Variants in AMOTL1 observed in about 807,000 individuals in gnomAD.
AMOTL1 encodes angiomotin-like protein 1.
AMOTL1 carries 45 observed loss-of-function variants against 102.9 expected under a neutral mutation model. The ratio of observed to expected loss-of-function variants is 0.44; its 90% CI spans 0.34 to 0.56. AMOTL1 has a LOEUF of 0.56. Among genes scored for constraint, AMOTL1 ranks in the 20% least tolerant of loss-of-function variants. The probability of loss-of-function intolerance (pLI) is 0.01; values close to 1 mark genes in which losing one functional copy is unlikely to be tolerated. For missense variants in AMOTL1, 1,114 were observed against 1,225.6 expected, an observed-to-expected ratio of 0.91 and a Z score of 1.36; for synonymous variants, 481 against 484.7, an observed-to-expected ratio of 0.99 and a Z score of 0.10.
chr11:94,819,944 G>A (rs1951834618), intron 3 of AMOTL1, among the ~76,000 whole-genome samples: 1 of 152,170 alleles, frequency 6.6e-6, no homozygotes, highest in African/African-American at 2.4e-5. Flanking sequence ...AATGGGGACG[G>A]GGATGGAAAT....
At chr11:94,737,469 AG>A in intron 2 of AMOTL1, among the ~76,000 whole-genome samples, 1 of 152,332 alleles carries the variant, frequency 6.6e-6, no homozygotes, top group Admixed American at 6.5e-5. Flanking sequence ...TCTCTCTCCT[AG>A]GGGCTCCAAG....
intron 2 of AMOTL1, among the ~76,000 whole-genome samples, chr11:94,797,831 G>A (rs947906303): frequency 6.6e-6 from 1 of 152,188 alleles, no homozygotes; most frequent in African/African-American, 2.4e-5. Context: ...AGCATGAAAT[G>A]TTGTTGGATA....
chr11:94,862,612 A>G (rs941401153), intron 9 of AMOTL1, among the ~76,000 whole-genome samples: 2 of 152,236 alleles, frequency 1.3e-5, no homozygotes, highest in Non-Finnish European at 2.9e-5. Context: ...ATTTCAAAGC[A>G]ATGTAATATT....
intron 1 of AMOTL1, among the ~76,000 whole-genome samples, chr11:94,709,309 T>C (rs1949983157): frequency 6.6e-6 from 1 of 152,166 alleles, no homozygotes; most frequent in African/African-American, 2.4e-5. Context: ...TCAGTTACTT[T>C]GGCAGAAGCC....
At chr11:94,834,163 G>A (rs530176296) in intron 6 of AMOTL1, among the ~76,000 whole-genome samples, 1 of 152,178 alleles carries the variant, frequency 6.6e-6, no homozygotes, top group Non-Finnish European at 1.5e-5. Context: ...AAACCCTATT[G>A]TTAGAGTAAA....
rs1178844386 is a variant in AMOTL1 at position 94,872,109 on chromosome 11, A to C, written c.*1314A>C. ...GTGTTGTCAGGTTTTTCCGGGTTTC[A>C]GTTTTGAGGCAGTTTATTCAAAGTG... On this transcript the variant is annotated 3_prime_UTR_variant, in exon 13 of 13. Transcript: ENST00000433060. 2.0e-5 allele frequency: 3 copies of C among 152,040 alleles called. No homozygotes were observed. Among genetic ancestry groups the C allele is most frequent in the Non-Finnish European group, 4.4e-5 (3 of 68,024 alleles). 9.4% of individuals were successfully genotyped at this position (152,040 alleles called of 1,614,324 possible).
chr11:94,861,953 A>G (rs943637909), intron 9 of AMOTL1, among the ~76,000 whole-genome samples: 10 of 152,102 alleles, frequency 6.6e-5, no homozygotes, highest in Admixed American at 3.3e-4. Context: ...ACCCACTCAC[A>G]GGATTCTAGG....
intron 2 of AMOTL1, chr11:94,729,113 T>C (rs1950306324): frequency 8.4e-7 from 1 of 1,193,840 alleles, no homozygotes. Flanking sequence ...TGCACCTCAT[T>C]ATGTCAATCC....
In AMOTL1 at chr11:94,722,486, C is replaced by T. The variant is rs1950189305; in HGVS notation, c.-50-6435C>T. Among the ~76,000 whole-genome samples the T allele has an allele frequency of 2.6e-5, 4 of 152,208 alleles. No individual in the cohort carries two copies. The South Asian group carries it at 8.3e-4, about 32-fold the overall frequency. ...ATTACAGACATTTCTCACTTAATCCCTACCATAGCCCTACAAAGCATGTGC... is the reference window on the plus strand; with the variant it reads ...ATTACAGACATTTCTCACTTAATCCTTACCATAGCCCTACAAAGCATGTGC... On this transcript the variant is annotated intron_variant, in intron 1 of 4. Coordinates refer to the AMOTL1 transcript ENST00000299004.
intron 3 of AMOTL1, among the ~76,000 whole-genome samples, chr11:94,744,837 A>T (rs1950571493): frequency 6.6e-6 from 1 of 152,232 alleles, no homozygotes; most frequent in Non-Finnish European, 1.5e-5. Context: ...AAGCACACAT[A>T]ACAGAACCTG....
intron 3 of AMOTL1, among the ~76,000 whole-genome samples, chr11:94,808,489 A>AT (rs1394059191): frequency 6.6e-6 from 1 of 152,056 alleles, no homozygotes; most frequent in South Asian, 2.1e-4. Context: ...CAAACAAGCC[A>AT]TTTTTTATTA....
chr11:94,723,620 C>A (rs1297573502), intron 1 of AMOTL1, among the ~76,000 whole-genome samples: 1 of 152,118 alleles, frequency 6.6e-6, no homozygotes, highest in Non-Finnish European at 1.5e-5. Context: ...TCAAACTCTT[C>A]AATTCTACAA....
At position 94,820,913 on chromosome 11, in the gene AMOTL1, C is replaced by T. The variant is rs144421748; in HGVS notation, c.1122-617C>T. Among the ~76,000 whole-genome samples the T allele has an allele frequency of 1.8e-3, 276 of 152,308 alleles. 1 individual carries two copies. The highest frequency in any genetic ancestry group is 6.4e-3 in the African/African-American group (264 of 41,562). On this transcript the variant is annotated intron_variant, in intron 3 of 12. Coordinates refer to ENST00000433060, the MANE Select transcript of AMOTL1 (RefSeq NM_130847.3). Reference sequence around the variant, plus strand: ...GAGCTTAGGCAGTAATGTGAACCATCGGGAATGGCTGTAAATATAGATGAA... The same window carrying T: ...GAGCTTAGGCAGTAATGTGAACCATTGGGAATGGCTGTAAATATAGATGAA...
chr11:94,849,430 G>A (rs1174644987), intron 6 of AMOTL1, among the ~76,000 whole-genome samples: 1 of 152,208 alleles, frequency 6.6e-6, no homozygotes, highest in Non-Finnish European at 1.5e-5. Flanking sequence ...TGTATAGGAC[G>A]ATGGGTAACT....
chr11:94,841,872 A>G (rs1421858137), intron 6 of AMOTL1, among the ~76,000 whole-genome samples: 1 of 152,250 alleles, frequency 6.6e-6, no homozygotes, highest in Non-Finnish European at 1.5e-5. Context: ...ACTAGATCAG[A>G]GAAAATTGTA....
intron 3 of AMOTL1, among the ~76,000 whole-genome samples, chr11:94,745,362 C>T (rs145903379): frequency 0.013 from 1,971 of 151,838 alleles, 46 homozygotes; most frequent in South Asian, 0.034. Context: ...CAACCAGCCC[C>T]CAACCTGAAG....
chr11:94,798,893 C>T (rs1445017376), intron 2 of AMOTL1, among the ~76,000 whole-genome samples: 1 of 151,886 alleles, frequency 6.6e-6, no homozygotes, highest in Admixed American at 6.6e-5. Flanking sequence ...CTGGTCAGAG[C>T]AGTGGGGAGG....
chr11:94,864,204 A>G (rs1011278201), intron 9 of AMOTL1, among the ~76,000 whole-genome samples: 1 of 152,104 alleles, frequency 6.6e-6, no homozygotes, highest in African/African-American at 2.4e-5. Flanking sequence ...AAAGTGAGGT[A>G]TAGGACAAGC....
intron 1 of AMOTL1, among the ~76,000 whole-genome samples, chr11:94,722,894 A>T (rs1950196448): frequency 6.6e-6 from 1 of 152,126 alleles, no homozygotes; most frequent in Admixed American, 6.6e-5. Context: ...AGATAAGGTG[A>T]TTTGTCCTGA....
Sources: allele counts gnomAD v4.1 joint callset (sites outside exome capture counted in the v4.1 genomes callset), GRCh38; gene constraint gnomAD v4.1.1; transcripts MANE v1.5; gene names NCBI Gene and HGNC (gene_info 2026-07-23, HGNC 2026-07-21).